The following SCFD2 variants were observed in gnomAD, a reference collection of about 807,000 sequenced individuals.
SCFD2 encodes sec1 family domain containing 2.
In SCFD2, 54 loss-of-function variants were observed where a neutral mutation model predicts 58.9. The ratio of observed to expected loss-of-function variants is 0.92; its 90% CI spans 0.74 to 1.15. The LOEUF (loss-of-function observed/expected upper bound fraction) is 1.15. Among genes scored for constraint, SCFD2 ranks in the 50% most tolerant of loss-of-function variants. SCFD2 has a pLI of 0.00. For synonymous variants in SCFD2, 321 were observed against 335.9 expected (o/e 0.96, Z 0.49); for missense variants, 805 against 836.6 (o/e 0.96, Z 0.47).
rs528948934 is a variant in SCFD2 at position 53,303,268 on chromosome 4, A to C, written c.1135+10368T>G. Among the ~76,000 whole-genome samples, 21 of 152,318 alleles carry C rather than the reference A, an allele frequency of 1.4e-4. No homozygotes were observed. In the South Asian group the frequency reaches 4.4e-3, roughly 32 times the overall value. On this transcript the variant is annotated intron_variant, in intron 3 of 8. Transcript: ENST00000401642. ...ATACATTTACAAGAAAAAAACAAACAAACCCATCGAAAAGTGGGCGAAGGA... is the reference window on the plus strand; with the variant it reads ...ATACATTTACAAGAAAAAAACAAACCAACCCATCGAAAAGTGGGCGAAGGA...
At chr4:53,140,484 T>G (rs1323435360) in intron 5 of SCFD2, among the ~76,000 whole-genome samples, 3 of 149,782 alleles carry the variant, frequency 2.0e-5, no homozygotes, top group African/African-American at 7.4e-5. Context: ...CTAGCCTTGT[T>G]TTAGAAAGCT....
At chr4:53,242,256 C>T (rs868598654) in intron 4 of SCFD2, among the ~76,000 whole-genome samples, 59 of 152,216 alleles carry the variant, frequency 3.9e-4, no homozygotes, top group African/African-American at 1.4e-3. Flanking sequence ...AGTATGGGAG[C>T]ACCTCAGTCC....
At chr4:53,163,660 G>A (rs1294393241) in intron 4 of SCFD2, among the ~76,000 whole-genome samples, 5 of 152,158 alleles carry the variant, frequency 3.3e-5, no homozygotes, top group African/African-American at 1.2e-4. Flanking sequence ...AATCCAGGAG[G>A]TGGAGGGTGT....
intron 4 of SCFD2, among the ~76,000 whole-genome samples, chr4:53,180,858 G>C (rs564552998): frequency 6.6e-6 from 1 of 152,288 alleles, no homozygotes; most frequent in African/African-American, 2.4e-5. Flanking sequence ...ACTACCATCA[G>C]AGAACACTAT....
chr4:53,359,256 T>C (rs1025265127), intron 1 of SCFD2, among the ~76,000 whole-genome samples: 12 of 152,166 alleles, frequency 7.9e-5, no homozygotes, highest in Non-Finnish European at 1.6e-4. Flanking sequence ...GAAATATAAA[T>C]ATATAAATTT....
chr4:52,946,403 C>T (rs1381237765), intron 5 of SCFD2, among the ~76,000 whole-genome samples: 2 of 151,830 alleles, frequency 1.3e-5, no homozygotes, highest in Non-Finnish European at 2.9e-5. Context: ...TTCAAAATTA[C>T]CAAAGTATTC....
chr4:53,105,063 C>G (rs1008226250), intron 5 of SCFD2, among the ~76,000 whole-genome samples: 2 of 152,098 alleles, frequency 1.3e-5, no homozygotes, highest in Admixed American at 6.5e-5. Context: ...GGGGCATTGC[C>G]TTACCCCAGA....
intron 3 of SCFD2, among the ~76,000 whole-genome samples, chr4:53,294,743 G>GAAA (rs1460636436): frequency 4.6e-5 from 7 of 152,090 alleles, no homozygotes; most frequent in Non-Finnish European, 8.8e-5. Flanking sequence ...GTATTGCCTA[G>GAAA]GTTTTCTTCT....
intron 6 of SCFD2, among the ~76,000 whole-genome samples, chr4:52,915,464 C>T (rs116077541): frequency 2.2e-3 from 335 of 152,280 alleles, no homozygotes; most frequent in Non-Finnish European, 3.6e-3. Flanking sequence ...ATGGCTTTGA[C>T]TAATCCATGG....
intron 5 of SCFD2, among the ~76,000 whole-genome samples, chr4:53,050,781 A>T (rs981398122): frequency 2.0e-5 from 3 of 152,150 alleles, no homozygotes; most frequent in Non-Finnish European, 1.5e-5. Flanking sequence ...GCCCTGGGTC[A>T]TCTGGCTCCT....
intron 4 of SCFD2, among the ~76,000 whole-genome samples, chr4:53,259,634 A>C (rs1200652737): frequency 6.6e-6 from 1 of 152,192 alleles, no homozygotes; most frequent in Non-Finnish European, 1.5e-5. Flanking sequence ...CTTATAGTAT[A>C]GTTTGAATTC....
At chr4:53,358,856 C>A (rs1406316891) in intron 1 of SCFD2, among the ~76,000 whole-genome samples, 1 of 152,134 alleles carries the variant, frequency 6.6e-6, no homozygotes, top group Non-Finnish European at 1.5e-5. Context: ...CCATAGGTGT[C>A]CAAACTCTGG....
At chr4:53,235,437 C>T (rs1381377627) in intron 4 of SCFD2, among the ~76,000 whole-genome samples, 1 of 152,186 alleles carries the variant, frequency 6.6e-6, no homozygotes, top group Admixed American at 6.5e-5. Flanking sequence ...CCTGCTACTA[C>T]AAATGTGAAA....
At chr4:52,892,908 G>A (rs1718911015) in intron 7 of SCFD2, among the ~76,000 whole-genome samples, 1 of 152,296 alleles carries the variant, frequency 6.6e-6, no homozygotes, top group East Asian at 1.9e-4. Context: ...AATCAAGTTT[G>A]TGTTTTTGCT....
intron 5 of SCFD2, among the ~76,000 whole-genome samples, chr4:52,990,415 G>C (rs61349657): frequency 6.6e-6 from 1 of 152,130 alleles, no homozygotes; most frequent in Admixed American, 6.5e-5. Flanking sequence ...AGTATTTAAA[G>C]TGAATTATCT....
At chr4:53,182,593 G>T (rs1368897396) in intron 4 of SCFD2, among the ~76,000 whole-genome samples, 1 of 152,128 alleles carries the variant, frequency 6.6e-6, no homozygotes, top group Non-Finnish European at 1.5e-5. Flanking sequence ...ATAGGCATGG[G>T]CAAGGACTTC....
intron 5 of SCFD2, among the ~76,000 whole-genome samples, chr4:53,064,036 A>G (rs75260722): frequency 0.019 from 2,954 of 151,884 alleles, 69 homozygotes; most frequent in East Asian, 0.11. Flanking sequence ...TATCAGTATT[A>G]TCTCAGATTT....
chr4:53,272,497 C>G (rs9759746), intron 4 of SCFD2, among the ~76,000 whole-genome samples: 71,291 of 151,974 alleles, frequency 0.47, 18,000 homozygotes, highest in Admixed American at 0.56. Flanking sequence ...GTGGCACATA[C>G]ACACCATGGA....
intron 8 of SCFD2, among the ~76,000 whole-genome samples, chr4:52,879,244 G>A (rs1718549440): frequency 6.6e-6 from 1 of 152,176 alleles, no homozygotes; most frequent in African/African-American, 2.4e-5. Flanking sequence ...TACCTGCCCT[G>A]CACCATCTAC....
Sources: allele counts gnomAD v4.1 joint callset (sites outside exome capture counted in the v4.1 genomes callset), GRCh38; gene constraint gnomAD v4.1.1; transcripts MANE v1.5; gene names NCBI Gene and HGNC (gene_info 2026-07-23, HGNC 2026-07-21).